MAST4: variants seen among roughly 807,000 people sequenced by gnomAD.
The protein encoded by MAST4 is microtubule associated serine/threonine kinase family member 4.
MAST4 carries 89 observed loss-of-function variants against 162.7 expected under a neutral mutation model. The ratio of observed to expected loss-of-function variants is 0.55; its 90% CI spans 0.46 to 0.65. The LOEUF (loss-of-function observed/expected upper bound fraction) is 0.65. MAST4 is among the 30% of genes least tolerant of loss of function. MAST4 has a pLI of 0.00. For missense variants in MAST4, 3,153 were observed against 3,374.0 expected (o/e 0.93, Z 1.62); for synonymous variants, 1,479 against 1,361.1 (o/e 1.09, Z -1.91).
chr5:67,089,091 A>G (rs1025122748), intron 5 of MAST4, among the ~76,000 whole-genome samples: 7 of 152,196 alleles, frequency 4.6e-5, no homozygotes, highest in Non-Finnish European at 7.3e-5. Context: ...GTAATGTGGC[A>G]ATTGGCTTGC....
chr5:66,825,092 C>A (rs1268074117), intron 3 of MAST4, among the ~76,000 whole-genome samples: 1 of 152,104 alleles, frequency 6.6e-6, no homozygotes, highest in Non-Finnish European at 1.5e-5. Context: ...CTTACTGTAA[C>A]CTTTTTACTT....
intron 1 of MAST4, among the ~76,000 whole-genome samples, chr5:66,727,691 A>T (rs1751607155): frequency 6.6e-6 from 1 of 151,918 alleles, no homozygotes; most frequent in Non-Finnish European, 1.5e-5. Flanking sequence ...GCTTTTTTGG[A>T]GGGAGGGGAG....
intron 1 of MAST4, among the ~76,000 whole-genome samples, chr5:66,612,623 C>T (rs568348788): frequency 6.6e-6 from 1 of 152,138 alleles, no homozygotes; most frequent in South Asian, 2.1e-4. Flanking sequence ...CACAGTGACT[C>T]GACCTGAATG....
intron 1 of MAST4, among the ~76,000 whole-genome samples, chr5:66,688,568 T>C (rs915311707): frequency 6.6e-6 from 1 of 152,206 alleles, no homozygotes; most frequent in African/African-American, 2.4e-5. Flanking sequence ...ATACCTCTTA[T>C]TCTGTTTCCT....
chr5:67,102,481 T>A (rs1468450560), intron 8 of MAST4, 55 bp from the exon 9 acceptor site: 17 of 1,476,522 alleles, frequency 1.2e-5, no homozygotes, highest in Non-Finnish European at 1.5e-5. Context: ...AATAAAAAGC[T>A]TATTTTCATT....
At chr5:66,788,607 C>CCCTTCCAAAAAAAA in intron 2 of MAST4, 63 bp from the exon 3 acceptor site, 1 of 1,373,728 alleles carries the variant, frequency 7.3e-7, no homozygotes, top group Non-Finnish European at 1.0e-6. Flanking sequence ...CCCCCACCCC[C>CCCTTCCAAAAAAAA]ATTGCAATAA....
chr5:66,913,310 A>G (rs191440002), intron 4 of MAST4, among the ~76,000 whole-genome samples: 102 of 150,166 alleles, frequency 6.8e-4, no homozygotes, highest in African/African-American at 2.5e-3. Context: ...GACAACTACC[A>G]ATGCTTTCCA....
intron 4 of MAST4, among the ~76,000 whole-genome samples, chr5:67,045,490 T>G (rs1261304214): frequency 6.6e-6 from 1 of 152,216 alleles, no homozygotes; most frequent in East Asian, 1.9e-4. Context: ...TTGTTAAAAA[T>G]GTACACTTAT....
chr5:66,938,265 G>A (rs1336916971), intron 4 of MAST4, among the ~76,000 whole-genome samples: 1 of 152,050 alleles, frequency 6.6e-6, no homozygotes, highest in Non-Finnish European at 1.5e-5. Context: ...GACTGTTAGT[G>A]TAAAATATGC....
chr5:66,718,164 G>GTTTTTTTTTCT lies in MAST4; in HGVS notation c.364-41524_364-41514dup, dbSNP rs773014814. Among the ~76,000 whole-genome samples the GTTTTTTTTTCT allele has an allele frequency of 4.4e-3, 643 of 147,212 alleles. 6 individuals carry two copies. The highest frequency in any genetic ancestry group is 0.016 in the African/African-American group (621 of 39,594). On this transcript the variant is annotated intron_variant, in intron 1 of 28. Coordinates refer to ENST00000403625, the MANE Select transcript of MAST4 (RefSeq NM_001164664.2). ...GACTATATATATTTAAAACCAGTGG[G>GTTTTTTTTTCT]TTTTTTTTTCTTTTTTTTTTCTTTT...
At chr5:66,692,446 T>G (rs1163867501) in intron 1 of MAST4, among the ~76,000 whole-genome samples, 1 of 151,472 alleles carries the variant, frequency 6.6e-6, no homozygotes, top group Non-Finnish European at 1.5e-5. Context: ...AGGGCTGTCC[T>G]GAGTCACATA....
At chr5:67,028,939 G>T (rs1754987023) in intron 4 of MAST4, among the ~76,000 whole-genome samples, 1 of 151,920 alleles carries the variant, frequency 6.6e-6, no homozygotes, top group Non-Finnish European at 1.5e-5. Flanking sequence ...GACCAGCCTG[G>T]GCAACATGGC....
intron 3 of MAST4, among the ~76,000 whole-genome samples, chr5:66,823,928 A>G (rs541001590): frequency 3.7e-4 from 57 of 152,358 alleles, no homozygotes; most frequent in African/African-American, 1.3e-3. Flanking sequence ...TATAATCACA[A>G]TAATGGATGT....
intron 4 of MAST4, among the ~76,000 whole-genome samples, chr5:67,047,577 C>T (rs1276933682): frequency 6.6e-6 from 1 of 152,158 alleles, no homozygotes; most frequent in East Asian, 1.9e-4. Context: ...TCTCATGTAC[C>T]ACAAATTTTA....
intron 3 of MAST4, among the ~76,000 whole-genome samples, chr5:66,854,893 G>T (rs1759563364): frequency 6.6e-6 from 1 of 151,954 alleles, no homozygotes; most frequent in Admixed American, 6.6e-5. Context: ...CAGTGCTCTG[G>T]TATATTTTGT....
At chr5:66,723,711 T>A (rs1751353064) in intron 1 of MAST4, among the ~76,000 whole-genome samples, 1 of 152,214 alleles carries the variant, frequency 6.6e-6, no homozygotes, top group South Asian at 2.1e-4. Context: ...TTTCAAGGAA[T>A]GATCTTAAGT....
chr5:66,736,622 A>G (rs1222795687), intron 1 of MAST4, among the ~76,000 whole-genome samples: 1 of 152,148 alleles, frequency 6.6e-6, no homozygotes, highest in Non-Finnish European at 1.5e-5. Flanking sequence ...AAGGTAGAGT[A>G]TGAGGACATA....
rs543256597 is a variant in MAST4, at chr5:66,936,243, T to C, written c.674+36261T>C. On this transcript the variant is annotated intron_variant, in intron 4 of 28. Transcript: ENST00000403625. ...GAACATATTTATAACAGTCTGAGTT[T>C]AATTCCTGGCTTTTCCATGTAATAG... Among the ~76,000 whole-genome samples the C allele has an allele frequency of 2.4e-4, 37 of 152,338 alleles. No homozygotes were observed. The South Asian group carries it at 7.5e-3, about 31-fold the overall frequency.
At chr5:66,991,511 C>A (rs1294801316) in intron 4 of MAST4, among the ~76,000 whole-genome samples, 1 of 152,144 alleles carries the variant, frequency 6.6e-6, no homozygotes, top group Non-Finnish European at 1.5e-5. Flanking sequence ...CACAATAAAG[C>A]TGAAAGAACT....
Sources: gnomAD v4.1 joint callset for allele counts (sites outside exome capture counted in the v4.1 genomes callset) on GRCh38, gnomAD v4.1.1 for gene constraint, MANE v1.5 for transcripts, NCBI Gene and HGNC (gene_info 2026-07-23, HGNC 2026-07-21) for gene names.